Variants in SORL1 observed in about 807,000 individuals in gnomAD.
SORL1 encodes the protein sortilin-related receptor.
SORL1 carries 127 observed loss-of-function variants against 273.7 expected under a neutral mutation model. The ratio of observed to expected loss-of-function variants is 0.46; its 90% confidence interval spans 0.40 to 0.54. The LOEUF (loss-of-function observed/expected upper bound fraction) is 0.54. Among genes scored for constraint, SORL1 ranks in the 20% least tolerant of loss-of-function variants. The pLI is 0.00. For missense variants in SORL1, 2,494 were observed against 2,846.1 expected, an observed-to-expected ratio of 0.88 and a Z score of 2.81; for synonymous variants, 1,031 against 1,067.4, an observed-to-expected ratio of 0.97 and a Z score of 0.66.
rs75861546 is a variant in SORL1 at position 121,497,900 on chromosome 11, T to C, written c.939+851T>C. ...CCTTAGAGACTGAAATCAGACGTAA[T>C]CTTTTCCTTCAGATTCTCATTTACT... is the stretch of plus-strand genomic sequence containing the variant. On this transcript the variant is annotated intron_variant, in intron 6 of 47. Transcript: ENST00000260197. Among the ~76,000 whole-genome samples, 615 of 152,312 alleles carry C rather than the reference T, an allele frequency of 4.0e-3. 2 individuals are homozygous for C. Among genetic ancestry groups the C allele is most frequent in the Non-Finnish European group, 7.2e-3 (493 of 68,018 alleles).
intron 10 of SORL1, 69 bp downstream of exon 10, chr11:121,522,772 A>T (rs1862060305): frequency 7.1e-7 from 1 of 1,400,264 alleles, no homozygotes; most frequent in African/African-American, 1.4e-5. Context: ...ATGCAGAGCG[A>T]TCACCCACAC....
chr11:121,529,891 CT>C (rs1276717182), intron 11 of SORL1, among the ~76,000 whole-genome samples: 2 of 152,122 alleles, frequency 1.3e-5, no homozygotes, highest in Admixed American at 1.3e-4. Flanking sequence ...TCTGTTCCTT[CT>C]GTCCTCTCTC....
At chr11:121,600,255 C>G (rs1422338250) in intron 32 of SORL1, among the ~76,000 whole-genome samples, 1 of 152,094 alleles carries the variant, frequency 6.6e-6, no homozygotes, top group Non-Finnish European at 1.5e-5. Context: ...AATTAAGGTC[C>G]CAAGAGGATC....
At chr11:121,566,031 A>G (rs1862749275) in intron 21 of SORL1, among the ~76,000 whole-genome samples, 1 of 152,176 alleles carries the variant, frequency 6.6e-6, no homozygotes, top group African/African-American at 2.4e-5. Context: ...GGAATTGAGA[A>G]GGGGAGGCCT....
intron 25 of SORL1, among the ~76,000 whole-genome samples, chr11:121,578,124 T>C (rs746712301): frequency 1.3e-5 from 2 of 152,218 alleles, no homozygotes; most frequent in Non-Finnish European, 1.5e-5. Context: ...TTCCAGATTT[T>C]ATTACTCATT....
chr11:121,507,847 GTGATTTT>G (rs1472163360), intron 6 of SORL1, among the ~76,000 whole-genome samples: 4 of 151,812 alleles, frequency 2.6e-5, no homozygotes, highest in Admixed American at 2.6e-4. Context: ...TGCTTGTCCT[GTGATTTT>G]TTTTGTTGAA....
intron 2 of SORL1, 83 bp from the exon 3 acceptor site, chr11:121,478,032 CAAA>C (rs55896588): frequency 0.014 from 14,611 of 1,034,878 alleles, no homozygotes; most frequent in East Asian, 0.032. Flanking sequence ...AACTCAGTCT[CAAA>C]AAAAAAAAAA....
chr11:121,543,686 C>T lies in SORL1; in HGVS notation c.1824C>T (p.His608=), dbSNP rs1041286618. The change falls in exon 13 of 48, where the codon CAC becomes CAT. Residue 608 remains histidine (H), a synonymous_variant. Coordinates refer to ENST00000260197, the MANE Select transcript of SORL1 (RefSeq NM_003105.6). ...TIFGSNKENV[H]SWLILQVNAT... ...TTGGCTCGAACAAAGAGAATGTCCA[C>T]AGCTGGCTGATCCTCCAGGTCAATG... 1 of 1,614,058 alleles carries T rather than the reference C, an allele frequency of 6.2e-7. No homozygotes were observed. Among genetic ancestry groups the T allele is most frequent in the South Asian group, 1.1e-5 (1 of 91,080 alleles).
intron 3 of SORL1, among the ~76,000 whole-genome samples, chr11:121,483,036 G>A (rs1040256298): frequency 6.6e-6 from 1 of 152,218 alleles, no homozygotes; most frequent in African/African-American, 2.4e-5. Context: ...ACATTGTGGG[G>A]CCCCTGAGAT....
At chr11:121,607,336 G>A (rs1279793968) in intron 37 of SORL1, 46 bp downstream of exon 37, 1 of 1,089,268 alleles carries the variant, frequency 9.2e-7, no homozygotes, top group South Asian at 1.3e-5. Flanking sequence ...TCTTAGAACT[G>A]AGCGAAATTG....
chr11:121,512,106 G>T (rs1427598575), intron 6 of SORL1, among the ~76,000 whole-genome samples: 3 of 152,126 alleles, frequency 2.0e-5, no homozygotes, highest in Admixed American at 6.5e-5. Context: ...CCTTTTTTGA[G>T]TGGTGGACTT....
In SORL1 at chr11:121,458,547, A is replaced by T. The variant is rs1453189315; in HGVS notation, c.285+5931A>T. 2.6e-5 allele frequency among the ~76,000 whole-genome samples: 4 copies of T among 152,160 alleles called. No homozygotes were observed. The South Asian group carries it at 8.3e-4, about 32-fold the overall frequency. On this transcript the variant is annotated intron_variant, in intron 1 of 47. Coordinates refer to ENST00000260197, the MANE Select transcript of SORL1 (RefSeq NM_003105.6). Reference sequence around the variant, plus strand: ...GGGGGTGAGGCATTCTCTGTTGATGAGCATGGGACTTTCCTATGCATTTTC... The same window carrying T: ...GGGGGTGAGGCATTCTCTGTTGATGTGCATGGGACTTTCCTATGCATTTTC...
intron 5 of SORL1, among the ~76,000 whole-genome samples, chr11:121,492,276 G>T (rs544473510): frequency 2.6e-5 from 4 of 152,132 alleles, no homozygotes; most frequent in Non-Finnish European, 5.9e-5. Context: ...CAGGAGAATC[G>T]CTTGAACCCG....
intron 1 of SORL1, among the ~76,000 whole-genome samples, chr11:121,458,031 G>T (rs955627342): frequency 1.3e-5 from 2 of 152,206 alleles, no homozygotes; most frequent in Non-Finnish European, 2.9e-5. Flanking sequence ...TTGAATCCCA[G>T]GGCAGAGATA....
At chr11:121,570,084 G>A (rs1862817138) in intron 22 of SORL1, 73 bp from the exon 23 acceptor site, 2 of 975,726 alleles carry the variant, frequency 2.0e-6, no homozygotes, top group South Asian at 1.6e-5. Context: ...AAACTCAAAA[G>A]AGAAAGACCT....
At chr11:121,601,789 C>T (rs1041083179) in intron 32 of SORL1, among the ~76,000 whole-genome samples, 8 of 152,116 alleles carry the variant, frequency 5.3e-5, no homozygotes, top group South Asian at 2.1e-4. Context: ...AAACCTCCAA[C>T]GTCCTCAGCT....
At chr11:121,470,779 A>G (rs1861155979) in intron 2 of SORL1, among the ~76,000 whole-genome samples, 1 of 152,032 alleles carries the variant, frequency 6.6e-6, no homozygotes, top group Non-Finnish European at 1.5e-5. Context: ...GGCTCAAGCC[A>G]TCCTCCCACC....
chr11:121,515,459 A>G (rs756304304), intron 8 of SORL1, among the ~76,000 whole-genome samples: 3 of 152,130 alleles, frequency 2.0e-5, no homozygotes, highest in Admixed American at 6.6e-5. Context: ...CAAGCAGGGC[A>G]GACAGGAAGC....
At chr11:121,465,941 C>T (rs1457448648) in intron 1 of SORL1, among the ~76,000 whole-genome samples, 2 of 152,148 alleles carry the variant, frequency 1.3e-5, no homozygotes, top group Non-Finnish European at 2.9e-5. Flanking sequence ...GCATGGGACC[C>T]CCCTAGGCCA....
Sources: gnomAD v4.1 joint callset for allele counts (sites outside exome capture counted in the v4.1 genomes callset) on GRCh38, gnomAD v4.1.1 for gene constraint, MANE v1.5 for transcripts, NCBI Gene and HGNC (gene_info 2026-07-23, HGNC 2026-07-21) for gene names.